TAMM41: variants seen among roughly 807,000 people sequenced by gnomAD.
The protein encoded by TAMM41 is phosphatidate cytidylyltransferase, mitochondrial.
A neutral mutation model predicts 44.1 loss-of-function variants in TAMM41; 36 were observed. The observed-to-expected ratio is 0.82, with a 90% CI of 0.63 to 1.08. The LOEUF (loss-of-function observed/expected upper bound fraction) is 1.08. Among genes scored for constraint, TAMM41 ranks in the 50% least tolerant of loss-of-function variants. The probability of loss-of-function intolerance (pLI) is 0.00; values close to 1 mark genes in which losing one functional copy is unlikely to be tolerated. For missense variants in TAMM41, 417 were observed against 404.3 expected (o/e 1.03, Z -0.27); for synonymous variants, 164 against 153.1 (o/e 1.07, Z -0.53).
chr3:11,791,614 C>G (rs922686148), intron 7 of TAMM41, among the ~76,000 whole-genome samples: 2 of 152,042 alleles, frequency 1.3e-5, no homozygotes. Context: ...GGTGAGCATG[C>G]CGACAAGGTA....
the TAMM41 span, among the ~76,000 whole-genome samples, chr3:11,727,498 T>C: frequency 6.6e-6 from 1 of 152,218 alleles, no homozygotes; most frequent in Admixed American, 6.5e-5. Flanking sequence ...AGGGTCTTGC[T>C]CTGTTGCCCA....
At chr3:11,801,739 C>T (rs1165713943) in intron 7 of TAMM41, among the ~76,000 whole-genome samples, 1 of 151,958 alleles carries the variant, frequency 6.6e-6, no homozygotes, top group Non-Finnish European at 1.5e-5. Context: ...TACATGTCTA[C>T]ATAAAAAAGT....
chr3:11,813,956 A>G (rs1376730469), intron 5 of TAMM41, among the ~76,000 whole-genome samples: 1 of 147,622 alleles, frequency 6.8e-6, no homozygotes, highest in Non-Finnish European at 1.5e-5. Context: ...ATATATGTAT[A>G]TATACATATA....
Position 11,846,843 on chromosome 3 carries a change from G to T in TAMM41, c.-207C>A. The T allele has an allele frequency of 1.6e-6, 1 of 623,720 alleles. No homozygotes were observed. Among genetic ancestry groups the T allele is most frequent in the Non-Finnish European group, 2.7e-6 (1 of 364,858 alleles). 38.6% of individuals were successfully genotyped at this position (623,720 alleles called of 1,614,324 possible). On this transcript the variant is annotated 5_prime_UTR_variant, in exon 1 of 8. The change creates a new upstream start codon in the 5' untranslated region. Transcript: ENST00000455809. ...AGCAGCGGCGAGAAGACGCAGCCCAGATAGGCTCGGGTGGGCGGCGGTCGC... is the reference window on the plus strand; with the variant it reads ...AGCAGCGGCGAGAAGACGCAGCCCATATAGGCTCGGGTGGGCGGCGGTCGC...
rs914623871 is a variant in TAMM41, at chr3:11,844,073, CAT to C, written c.272_273del (p.Tyr91TrpfsTer13). On this transcript the variant is annotated frameshift_variant, in exon 2 of 8. Coordinates refer to ENST00000455809, the MANE Select transcript of TAMM41 (RefSeq NM_001284401.2). LOFTEE classifies it high-confidence loss of function. ...AATGAATTGTAGTAAACTCCAGCGC[CAT>C]AGTTATTCTGGATGGACGTGATAAT... ...PKIITSIQNN[Y>X]GAGVYYNSLI... The C allele has an allele frequency of 1.2e-6, 2 of 1,614,040 alleles. No individual in the cohort carries two copies. Among genetic ancestry groups the C allele is most frequent in the African/African-American group, 2.7e-5 (2 of 74,916 alleles).
chr3:11,731,295 T>C, the TAMM41 span, among the ~76,000 whole-genome samples: 4 of 152,150 alleles, frequency 2.6e-5, no homozygotes, highest in African/African-American at 9.7e-5. Flanking sequence ...ATTACATATA[T>C]AAGGAGACAT....
At chr3:11,844,324 G>A in intron 1 of TAMM41, 113 bp from the exon 2 acceptor site, 2 of 978,662 alleles carry the variant, frequency 2.0e-6, no homozygotes, top group Non-Finnish European at 2.9e-6. Flanking sequence ...CAGAAGGCCT[G>A]GTGCTGTCAT....
intron 7 of TAMM41, among the ~76,000 whole-genome samples, chr3:11,800,646 T>C (rs915228573): frequency 1.3e-5 from 2 of 150,434 alleles, no homozygotes; most frequent in Non-Finnish European, 3.0e-5. Context: ...GCACCCAACA[T>C]AGGACCACCC....
the TAMM41 span, among the ~76,000 whole-genome samples, chr3:11,772,374 C>T: frequency 9.2e-5 from 14 of 152,108 alleles, no homozygotes; most frequent in East Asian, 2.7e-3. Flanking sequence ...AGCCACCGTG[C>T]CCAGCCCAGT....
the TAMM41 span, among the ~76,000 whole-genome samples, chr3:11,773,523 AC>A: frequency 6.6e-6 from 1 of 151,712 alleles, no homozygotes; most frequent in Non-Finnish European, 1.5e-5. Context: ...GCCCAGCCCC[AC>A]CCCGACATTT....
At chr3:11,805,130 A>T (rs544197438) in intron 7 of TAMM41, among the ~76,000 whole-genome samples, 103 of 150,944 alleles carry the variant, frequency 6.8e-4, no homozygotes, top group African/African-American at 2.3e-3. Context: ...CAGCCGCTCA[A>T]AGGTGGGACT....
rs1293295688 is a variant in TAMM41, at chr3:11,802,219, C to T, written c.937+5614G>A. On this transcript the variant is annotated intron_variant, in intron 7 of 7. Coordinates refer to ENST00000455809, the MANE Select transcript of TAMM41 (RefSeq NM_001284401.2). Reference sequence around the variant, plus strand: ...TGAGTGATAGAGCCAGACCCTGACTCAAAAAACAAAAAAGAAAAGTTGGTT... The same window carrying T: ...TGAGTGATAGAGCCAGACCCTGACTTAAAAAACAAAAAAGAAAAGTTGGTT... 4.0e-5 allele frequency among the ~76,000 whole-genome samples: 6 copies of T among 151,194 alleles called. No individual in the cohort carries two copies. The South Asian group carries it at 1.3e-3, about 32-fold the overall frequency.
At chr3:11,766,383 G>C in the TAMM41 span, among the ~76,000 whole-genome samples, 4 of 152,080 alleles carry the variant, frequency 2.6e-5, no homozygotes, top group African/African-American at 7.2e-5. Flanking sequence ...GCCCAGGCTG[G>C]TCTTGAACTT....
At chr3:11,753,609 C>T in the TAMM41 span, among the ~76,000 whole-genome samples, 16 of 149,624 alleles carry the variant, frequency 1.1e-4, no homozygotes, top group South Asian at 1.7e-3. Flanking sequence ...TGGTGGCGGG[C>T]GCCTGTAGTC....
intron 7 of TAMM41, among the ~76,000 whole-genome samples, chr3:11,796,349 T>G (rs905907794): frequency 6.6e-6 from 1 of 152,166 alleles, no homozygotes; most frequent in Non-Finnish European, 1.5e-5. Flanking sequence ...GTATTAGTAT[T>G]CCCACCACCT....
At chr3:11,815,091 C>T (rs998244737) in intron 5 of TAMM41, among the ~76,000 whole-genome samples, 4 of 152,184 alleles carry the variant, frequency 2.6e-5, no homozygotes, top group Middle Eastern at 3.2e-3. Context: ...CCAATACTAT[C>T]TATCAAAGGG....
the TAMM41 span, among the ~76,000 whole-genome samples, chr3:11,771,686 G>A: frequency 2.0e-5 from 3 of 151,762 alleles, no homozygotes; most frequent in Non-Finnish European, 4.4e-5. Context: ...AGGTTCAAGC[G>A]ATTCTCCTGT....
chr3:11,834,729 C>T (rs1322219321), intron 3 of TAMM41, among the ~76,000 whole-genome samples: 1 of 152,150 alleles, frequency 6.6e-6, no homozygotes, highest in African/African-American at 2.4e-5. Flanking sequence ...CTCTGTCATC[C>T]AGCTTGGAGT....
the TAMM41 span, among the ~76,000 whole-genome samples, chr3:11,758,565 T>TG: frequency 1.3e-5 from 2 of 152,144 alleles, no homozygotes; most frequent in Admixed American, 6.6e-5. Flanking sequence ...TTGGTCAGGC[T>TG]GTCTCAAATT....
Sources: allele counts gnomAD v4.1 joint callset (sites outside exome capture counted in the v4.1 genomes callset), GRCh38; gene constraint gnomAD v4.1.1; transcripts MANE v1.5; gene names NCBI Gene and HGNC (gene_info 2026-07-23, HGNC 2026-07-21).